The following LSAMP variants were observed in gnomAD, a reference collection of about 807,000 sequenced individuals.
LSAMP encodes the protein limbic system associated membrane protein.
Under a neutral mutation model 38.6 loss-of-function variants are expected in LSAMP, and 7 were observed. That is an observed-to-expected ratio of 0.18 (90% CI 0.10 to 0.34). LSAMP has a LOEUF of 0.34. Among genes scored for constraint, LSAMP ranks in the 10% least tolerant of loss-of-function variants. LSAMP has a pLI of 1.00. For missense variants in LSAMP, 313 were observed against 420.0 expected, an observed-to-expected ratio of 0.75 and a Z score of 2.23; for synonymous variants, 154 against 166.8, an observed-to-expected ratio of 0.92 and a Z score of 0.59.
At chr3:116,228,850 G>A (rs952575891) in intron 1 of LSAMP, among the ~76,000 whole-genome samples, 3 of 152,042 alleles carry the variant, frequency 2.0e-5, no homozygotes, top group Non-Finnish European at 4.4e-5. Flanking sequence ...AGGGAAAGCA[G>A]GTGGTATATT....
chr3:115,934,965 AG>A (rs922473574), intron 3 of LSAMP, among the ~76,000 whole-genome samples: 1 of 152,164 alleles, frequency 6.6e-6, no homozygotes, highest in African/African-American at 2.4e-5. Flanking sequence ...TTCAAGAAAA[AG>A]TTTCAAAATT....
At chr3:116,044,070 C>A (rs746636360) in intron 2 of LSAMP, among the ~76,000 whole-genome samples, 1 of 152,188 alleles carries the variant, frequency 6.6e-6, no homozygotes, top group Non-Finnish European at 1.5e-5. Flanking sequence ...CAACATTATC[C>A]CCTTTTTAAT....
intron 2 of LSAMP, among the ~76,000 whole-genome samples, chr3:116,086,061 C>T (rs1381005372): frequency 1.3e-5 from 2 of 152,144 alleles, no homozygotes; most frequent in East Asian, 3.9e-4. Flanking sequence ...ACAGCTGTGG[C>T]TTTTGCCGTG....
chr3:115,826,404 C>A (rs559696932), intron 6 of LSAMP, among the ~76,000 whole-genome samples: 18 of 152,220 alleles, frequency 1.2e-4, no homozygotes, highest in African/African-American at 4.3e-4. Flanking sequence ...CCACGCCTGG[C>A]CTGTTTCTGT....
chr3:116,375,308 T>C (rs2048481264), intron 1 of LSAMP, among the ~76,000 whole-genome samples: 1 of 151,952 alleles, frequency 6.6e-6, no homozygotes, highest in Non-Finnish European at 1.5e-5. Flanking sequence ...GAAAACAAAC[T>C]GTTAATATTA....
intron 3 of LSAMP, among the ~76,000 whole-genome samples, chr3:115,994,445 A>T (rs1230461908): frequency 6.6e-6 from 1 of 152,094 alleles, no homozygotes; most frequent in African/African-American, 2.4e-5. Context: ...TCAGTTATAA[A>T]ATTATTTAAT....
chr3:115,817,302 C>T (rs1934061607), intron 6 of LSAMP, among the ~76,000 whole-genome samples: 1 of 152,160 alleles, frequency 6.6e-6, no homozygotes, highest in South Asian at 2.1e-4. Flanking sequence ...ACTTGACATC[C>T]TGTTATGCAT....
At chr3:116,094,764 T>C (rs1708190332) in intron 1 of LSAMP, among the ~76,000 whole-genome samples, 1 of 152,234 alleles carries the variant, frequency 6.6e-6, no homozygotes, top group Non-Finnish European at 1.5e-5. Flanking sequence ...AGGCTCATTT[T>C]AGTTCTGGCC....
rs142514419 is a variant in LSAMP at position 115,812,585 on chromosome 3, C to T, written c.920-2171G>A. Among the ~76,000 whole-genome samples the T allele has an allele frequency of 2.7e-3, 418 of 152,166 alleles. 3 individuals carry two copies. The highest frequency in any genetic ancestry group is 9.7e-3 in the African/African-American group (401 of 41,524). On this transcript the variant is annotated intron_variant, in intron 6 of 6. Coordinates refer to ENST00000490035, the MANE Select transcript of LSAMP (RefSeq NM_002338.5). ...AATGTTACTTTCCTAACCTTTTAGT[C>T]TTTCTATGTACACTAGATGGCAAGA...
chr3:116,021,570 A>T (rs1421428129), intron 2 of LSAMP, among the ~76,000 whole-genome samples: 2 of 152,186 alleles, frequency 1.3e-5, no homozygotes, highest in Admixed American at 1.3e-4. Context: ...AACAATCCAA[A>T]ACCTATCATA....
intron 6 of LSAMP, chr3:115,834,491 T>A: frequency 9.4e-7 from 1 of 1,066,946 alleles, no homozygotes. Flanking sequence ...CCCCCCTTTG[T>A]GTGTTTTGCA....
At chr3:116,321,054 G>A (rs1336785059) in intron 1 of LSAMP, among the ~76,000 whole-genome samples, 1 of 152,076 alleles carries the variant, frequency 6.6e-6, no homozygotes, top group African/African-American at 2.4e-5. Context: ...CTATTTATAT[G>A]AGCCAGTTTA....
At chr3:116,392,111 C>T (rs1261824690) in intron 1 of LSAMP, among the ~76,000 whole-genome samples, 3 of 152,206 alleles carry the variant, frequency 2.0e-5, no homozygotes, top group Admixed American at 2.0e-4. Context: ...CAGCAAGAAC[C>T]TGAAGCTCCC....
chr3:116,177,828 T>C (rs1301291584), intron 1 of LSAMP, among the ~76,000 whole-genome samples: 2 of 152,146 alleles, frequency 1.3e-5, no homozygotes, highest in African/African-American at 4.8e-5. Context: ...CTAGTTATTA[T>C]GGGGATGAAG....
At chr3:115,922,294 G>A (rs1937401104) in intron 3 of LSAMP, among the ~76,000 whole-genome samples, 1 of 151,838 alleles carries the variant, frequency 6.6e-6, no homozygotes, top group South Asian at 2.1e-4. Context: ...CTTCTGACTA[G>A]ATCTTTTCAA....
intron 1 of LSAMP, among the ~76,000 whole-genome samples, chr3:116,402,956 C>T (rs1241033225): frequency 1.3e-5 from 2 of 152,118 alleles, no homozygotes; most frequent in Non-Finnish European, 2.9e-5. Context: ...ACCTATGTTT[C>T]AAGTGGAAGC....
At chr3:115,925,142 C>A (rs1937469910) in intron 3 of LSAMP, among the ~76,000 whole-genome samples, 1 of 152,048 alleles carries the variant, frequency 6.6e-6, no homozygotes, top group South Asian at 2.1e-4. Context: ...GTTCCTAGGC[C>A]TGGGGGGTGA....
At chr3:116,139,282 C>G (rs989116579) in intron 1 of LSAMP, among the ~76,000 whole-genome samples, 2 of 151,956 alleles carry the variant, frequency 1.3e-5, no homozygotes, top group African/African-American at 4.8e-5. Flanking sequence ...AAGGATGACT[C>G]TTTGCCTTTA....
intron 3 of LSAMP, among the ~76,000 whole-genome samples, chr3:115,931,260 C>T (rs1237404729): frequency 6.6e-6 from 1 of 152,110 alleles, no homozygotes; most frequent in African/African-American, 2.4e-5. Context: ...GCCTAAAATC[C>T]CAGCAGCCTC....
Sources: allele counts gnomAD v4.1 joint callset (sites outside exome capture counted in the v4.1 genomes callset), GRCh38; gene constraint gnomAD v4.1.1; transcripts MANE v1.5; gene names NCBI Gene and HGNC (gene_info 2026-07-23, HGNC 2026-07-21).